RMND5A: variants seen among roughly 807,000 people sequenced by gnomAD.
RMND5A encodes E3 ubiquitin-protein transferase RMND5A.
In RMND5A, 17 loss-of-function variants were observed where a neutral mutation model predicts 49.7. The observed-to-expected ratio is 0.34, with a 90% confidence interval of 0.23 to 0.51. The LOEUF (loss-of-function observed/expected upper bound fraction) is 0.51. Ranked by LOEUF, RMND5A falls within the 20% of genes least tolerant of loss-of-function variation. The pLI, the probability that RMND5A is intolerant of heterozygous loss-of-function variation, is 0.96. For synonymous variants in RMND5A, 156 were observed against 167.7 expected (o/e 0.93, Z 0.54); for missense variants, 255 against 471.3 (o/e 0.54, Z 4.25).
intron 1 of RMND5A, among the ~76,000 whole-genome samples, chr2:86,734,389 C>T (rs374445135): frequency 4.0e-5 from 6 of 149,428 alleles, no homozygotes; most frequent in Non-Finnish European, 8.8e-5. Flanking sequence ...AAGGTTGGTG[C>T]GTGGAAGTTC....
At chr2:86,728,547 A>G (rs1238747872) in intron 1 of RMND5A, among the ~76,000 whole-genome samples, 2 of 82,052 alleles carry the variant, frequency 2.4e-5, no homozygotes, top group Non-Finnish European at 5.0e-5. Flanking sequence ...CAAGTAATCC[A>G]CCCGTCTCAG....
intron 1 of RMND5A, chr2:86,721,076 G>T (rs901873139): frequency 3.0e-5 from 10 of 336,754 alleles, no homozygotes; most frequent in Non-Finnish European, 5.4e-5. Flanking sequence ...GGATAAACGT[G>T]GGTGAGGGGG....
At position 86,774,681 on chromosome 2, in the gene RMND5A, A is replaced by G. The variant is rs574982191; in HGVS notation, c.*1270A>G. The G allele has an allele frequency of 6.5e-6, 1 of 152,800 alleles. No homozygotes were observed. Among genetic ancestry groups the G allele is most frequent in the Admixed American group, 6.5e-5 (1 of 15,308 alleles). The allele number at this position is 152,800 out of a possible 1,614,324, so 9.5% of individuals were successfully genotyped here. On this transcript the variant is annotated 3_prime_UTR_variant, in exon 9 of 9. Transcript: ENST00000283632. ...CCCATGAAGTTACTTCAGTATAAGA[A>G]GAACGTTACACGGAAATCACCAAAT...
At chr2:86,757,217 G>A (rs1681758248) in intron 4 of RMND5A, among the ~76,000 whole-genome samples, 1 of 149,500 alleles carries the variant, frequency 6.7e-6, no homozygotes, top group Non-Finnish European at 1.5e-5. Context: ...AGTGGAGGTG[G>A]CTAAAGGCCA....
Position 86,752,221 on chromosome 2 carries a change from C to T in RMND5A, c.420+191C>T, listed in dbSNP as rs1327555547. On this transcript the variant is annotated intron_variant, in intron 3 of 8. Coordinates refer to ENST00000283632, the MANE Select transcript of RMND5A (RefSeq NM_022780.4). ...TTTTTAAGTGGCAAAAATTATAGTT[C>T]TAGAACTTGTTATCCAGATCATTTT... Among the ~76,000 whole-genome samples, 3 of 152,142 alleles carry T rather than the reference C, an allele frequency of 2.0e-5. No homozygotes were observed. In the East Asian group the frequency reaches 5.8e-4, roughly 29 times the overall value.
At chr2:86,766,129 C>A (rs1573444954) in intron 6 of RMND5A, 105 bp downstream of exon 6, 3 of 1,037,136 alleles carry the variant, frequency 2.9e-6, no homozygotes, top group East Asian at 4.8e-5. Context: ...TTTTGTCTTT[C>A]CAAAGAAGAG....
intron 1 of RMND5A, among the ~76,000 whole-genome samples, chr2:86,733,095 G>A (rs75934048): frequency 4.3e-4 from 31 of 71,370 alleles, no homozygotes; most frequent in Non-Finnish European, 6.8e-4. Flanking sequence ...TGTAGAAGAT[G>A]CTAAACATTC....
Position 86,720,478 on chromosome 2 carries a change from A to G in RMND5A, c.-190A>G, listed in dbSNP as rs1382339625. On this transcript the variant is annotated 5_prime_UTR_variant, in exon 1 of 9. The change abolishes an upstream ATG in the 5' untranslated region. Transcript: ENST00000283632. ...CGACTCGCCGGGGGGCTAGGGCGCC[A>G]TGGGGCAGGCGGGCTCCGGCTGCGC... 2 of 249,510 alleles carry G rather than the reference A, an allele frequency of 8.0e-6. No homozygotes were observed. Among genetic ancestry groups the G allele is most frequent in the Non-Finnish European group, 7.1e-6 (1 of 140,616 alleles). The allele number at this position is 249,510 out of a possible 1,614,324, so 15.5% of individuals were successfully genotyped here.
chr2:86,758,867 G>C (rs139195966), intron 4 of RMND5A, among the ~76,000 whole-genome samples: 23 of 152,228 alleles, frequency 1.5e-4, no homozygotes, highest in Non-Finnish European at 2.8e-4. Context: ...TGTCAGGTTT[G>C]CCATTCTCTG....
chr2:86,750,595 A>G (rs1035848140), intron 2 of RMND5A, among the ~76,000 whole-genome samples: 4 of 152,082 alleles, frequency 2.6e-5, no homozygotes, highest in Admixed American at 6.6e-5. Flanking sequence ...ATTTCTTTGA[A>G]TTTGTCCATG....
chr2:86,755,203 C>G (rs1422213274), intron 4 of RMND5A, among the ~76,000 whole-genome samples: 1 of 151,676 alleles, frequency 6.6e-6, no homozygotes, highest in Non-Finnish European at 1.5e-5. Context: ...TGCACACTCT[C>G]AAACTCCTGG....
chr2:86,769,934 C>T, intron 6 of RMND5A, 89 bp from the exon 7 acceptor site: 1 of 866,124 alleles, frequency 1.2e-6, no homozygotes, highest in South Asian at 1.4e-5. Context: ...GGGTCTGCAG[C>T]ACATAGAGTC....
In RMND5A at chr2:86,720,293, C is replaced by A. The variant is rs1015796526; in HGVS notation, c.-375C>A. The A allele has an allele frequency of 2.0e-5, 3 of 152,348 alleles. No homozygotes were observed. The highest frequency in any genetic ancestry group is 7.3e-5 in the African/African-American group (3 of 41,378). The allele number at this position is 152,348 out of a possible 1,614,324, so 9.4% of individuals were successfully genotyped here. The stretch of plus-strand genomic sequence containing the variant: ...TCCTCGCCCGGGTGGCCATCCCCCT[C>A]CCCCCAGTCGGCGGCGCTTGGTGCC... On this transcript the variant is annotated 5_prime_UTR_variant, in exon 1 of 9. Coordinates refer to ENST00000283632, the MANE Select transcript of RMND5A (RefSeq NM_022780.4).
At chr2:86,756,620 T>C (rs1681745276) in intron 4 of RMND5A, among the ~76,000 whole-genome samples, 1 of 152,218 alleles carries the variant, frequency 6.6e-6, no homozygotes, top group African/African-American at 2.4e-5. Flanking sequence ...GCAGAGCAGA[T>C]ACTGACTAAG....
chr2:86,734,038 A>G (rs1161346544), intron 1 of RMND5A, among the ~76,000 whole-genome samples: 3 of 148,644 alleles, frequency 2.0e-5, no homozygotes, highest in Non-Finnish European at 4.4e-5. Flanking sequence ...CAATTTTCAA[A>G]CCTGTTTTAA....
In RMND5A at chr2:86,776,754, G is replaced by T. The variant is rs898426884; in HGVS notation, c.*3343G>T. 1.3e-5 allele frequency: 2 copies of T among 152,244 alleles called. No individual in the cohort carries two copies. Among genetic ancestry groups the T allele is most frequent in the African/African-American group, 4.8e-5 (2 of 41,472 alleles). The allele number at this position is 152,244 out of a possible 1,614,324, so 9.4% of individuals were successfully genotyped here. A position where few individuals can be genotyped will look rare whatever the true frequency, so the allele number is the denominator to read the frequency against. ...CCGACTCAGGTTATTTTCAGGGAAG[G>T]CATGGAGGCATAGTTTGGTTAGTTT... is the stretch of plus-strand genomic sequence containing the variant. On this transcript the variant is annotated 3_prime_UTR_variant, in exon 9 of 9. Transcript: ENST00000283632.
chr2:86,772,541 G>C (rs1430849935), intron 8 of RMND5A, among the ~76,000 whole-genome samples: 1 of 150,468 alleles, frequency 6.6e-6, no homozygotes, highest in Non-Finnish European at 1.5e-5. Flanking sequence ...TCCTAGAACT[G>C]AAATTGCTGG....
intron 6 of RMND5A, among the ~76,000 whole-genome samples, chr2:86,767,772 A>G (rs1040745277): frequency 6.6e-6 from 1 of 152,268 alleles, no homozygotes; most frequent in African/African-American, 2.4e-5. Flanking sequence ...TTAGAAAACT[A>G]CTACCTGTTT....
intron 4 of RMND5A, 138 bp from the exon 5 acceptor site, chr2:86,764,889 C>A: frequency 1.4e-6 from 1 of 707,644 alleles, no homozygotes; most frequent in Non-Finnish European, 2.3e-6. Context: ...AAGGTCTGGG[C>A]CCTAGGGATT....
Sources: allele counts gnomAD v4.1 joint callset (sites outside exome capture counted in the v4.1 genomes callset), GRCh38; gene constraint gnomAD v4.1.1; transcripts MANE v1.5; gene names NCBI Gene and HGNC (gene_info 2026-07-23, HGNC 2026-07-21).